Variants in FUT9 observed in about 807,000 individuals in gnomAD.
FUT9 encodes the protein 4-galactosyl-N-acetylglucosaminide 3-alpha-L-fucosyltransferase 9.
A neutral mutation model predicts 29.7 loss-of-function variants in FUT9; 15 were observed. That is an observed-to-expected ratio of 0.51 (90% CI 0.34 to 0.78). The LOEUF (loss-of-function observed/expected upper bound fraction) is 0.78, where lower values mean the gene tolerates loss of function less well. FUT9 is among the 30% of genes least tolerant of loss of function. The probability of loss-of-function intolerance (pLI) is 0.01; values close to 1 mark genes in which losing one functional copy is unlikely to be tolerated. For synonymous variants in FUT9, 169 were observed against 153.7 expected (o/e 1.10, Z -0.74); for missense variants, 319 against 425.4 (o/e 0.75, Z 2.20).
At position 96,213,621 on chromosome 6, in the gene FUT9, C is replaced by CT. The variant is rs1361871946; in HGVS notation, c.*9389dup. 6.0e-6 allele frequency: 1 copy of CT among 166,652 alleles called. No individual in the cohort carries two copies. The highest frequency in any genetic ancestry group is 1.5e-5 in the Non-Finnish European group (1 of 67,982). 10.3% of individuals were successfully genotyped at this position (166,652 alleles called of 1,614,324 possible). On this transcript the variant is annotated 3_prime_UTR_variant, in exon 3 of 3. Transcript: ENST00000302103. The stretch of plus-strand genomic sequence containing the variant: ...GCTAATAGTTGTTTATTGCTATTAA[C>CT]TTTCTGTGTATGTATTATTGCGATG...
At chr6:96,047,685 C>T (rs1770587795) in intron 1 of FUT9, among the ~76,000 whole-genome samples, 1 of 152,132 alleles carries the variant, frequency 6.6e-6, no homozygotes, top group South Asian at 2.1e-4. Context: ...CCTGACACCA[C>T]TATAAGAATA....
chr6:96,128,248 G>A (rs537763564), intron 2 of FUT9, among the ~76,000 whole-genome samples: 2 of 152,098 alleles, frequency 1.3e-5, no homozygotes, highest in South Asian at 2.1e-4. Flanking sequence ...CCCAAAATTA[G>A]ACAAAGGCTT....
At chr6:96,051,810 C>T (rs1770675998) in intron 1 of FUT9, among the ~76,000 whole-genome samples, 1 of 151,644 alleles carries the variant, frequency 6.6e-6, no homozygotes, top group African/African-American at 2.4e-5. Context: ...TAAAATATTA[C>T]ATATTAAATA....
intron 1 of FUT9, among the ~76,000 whole-genome samples, chr6:96,055,692 G>C (rs548428397): frequency 2.2e-5 from 3 of 135,818 alleles, no homozygotes; most frequent in Non-Finnish European, 4.7e-5. Flanking sequence ...TTTTGTTTTT[G>C]TTTTCTATTT....
At chr6:96,040,468 G>A (rs1485350805) in intron 1 of FUT9, among the ~76,000 whole-genome samples, 2 of 152,144 alleles carry the variant, frequency 1.3e-5, no homozygotes, top group East Asian at 3.9e-4. Flanking sequence ...AAGTAGAAAA[G>A]GGAATGAAGA....
intron 1 of FUT9, among the ~76,000 whole-genome samples, chr6:96,051,761 C>A (rs1445620713): frequency 6.6e-6 from 1 of 151,674 alleles, no homozygotes; most frequent in Non-Finnish European, 1.5e-5. Context: ...ACATGATTTG[C>A]AAACCAATAT....
rs7745248 is a variant in FUT9 at position 96,212,238 on chromosome 6, G to A, written c.*8003G>A. ...ATTAGCCACCTTCAGTTCCTTAAATGAGATAATCCTGAAGATGCCATCCTT... is the reference window on the plus strand; with the variant it reads ...ATTAGCCACCTTCAGTTCCTTAAATAAGATAATCCTGAAGATGCCATCCTT... On this transcript the variant is annotated 3_prime_UTR_variant, in exon 3 of 3. Transcript: ENST00000302103. 0.14 allele frequency: 57,203 copies of A among 412,524 alleles called. 4,737 individuals are homozygous for A. The highest frequency in any genetic ancestry group is 0.18 in the Non-Finnish European group (41,340 of 225,540). The allele number at this position is 412,524 out of a possible 1,614,324, so 25.6% of individuals were successfully genotyped here.
chr6:96,173,386 C>G (rs572814310), intron 2 of FUT9, among the ~76,000 whole-genome samples: 1 of 152,234 alleles, frequency 6.6e-6, no homozygotes, highest in Non-Finnish European at 1.5e-5. Flanking sequence ...GAGAACTTTT[C>G]CATCTTTACC....
At chr6:96,086,695 C>A (rs1325747916) in intron 1 of FUT9, among the ~76,000 whole-genome samples, 1 of 152,026 alleles carries the variant, frequency 6.6e-6, no homozygotes, top group Admixed American at 6.6e-5. Flanking sequence ...TTCTTCATAT[C>A]AAAAATCTGG....
chr6:96,158,703 C>T (rs1333234187), intron 2 of FUT9, among the ~76,000 whole-genome samples: 2 of 152,032 alleles, frequency 1.3e-5, no homozygotes, highest in Admixed American at 6.6e-5. Flanking sequence ...CTTCCGCTTC[C>T]ATAATATTAG....
At chr6:96,142,250 C>A (rs559942028) in intron 2 of FUT9, among the ~76,000 whole-genome samples, 1 of 151,888 alleles carries the variant, frequency 6.6e-6, no homozygotes, top group African/African-American at 2.4e-5. Context: ...TATTAACAAG[C>A]GATAAGTGAT....
chr6:96,186,740 TA>T (rs1015799262), intron 2 of FUT9, among the ~76,000 whole-genome samples: 2 of 152,104 alleles, frequency 1.3e-5, no homozygotes, highest in African/African-American at 2.4e-5. Context: ...ATTTCAGATC[TA>T]AGGGCTGAGA....
chr6:96,027,219 G>A (rs1357387835), intron 1 of FUT9, among the ~76,000 whole-genome samples: 3 of 151,538 alleles, frequency 2.0e-5, no homozygotes, highest in Non-Finnish European at 4.4e-5. Context: ...AGACATTGAA[G>A]AGAGCCTCAC....
At chr6:96,089,290 T>C (rs539157719) in intron 1 of FUT9, among the ~76,000 whole-genome samples, 1 of 152,152 alleles carries the variant, frequency 6.6e-6, no homozygotes, top group South Asian at 2.1e-4. Flanking sequence ...TACTTTCCCC[T>C]GAGAATTCTA....
At chr6:96,036,429 G>A (rs1467724440) in intron 1 of FUT9, among the ~76,000 whole-genome samples, 1 of 151,652 alleles carries the variant, frequency 6.6e-6, no homozygotes, top group Non-Finnish European at 1.5e-5. Flanking sequence ...TTGCATAATC[G>A]TGATGGTGCA....
chr6:96,162,996 A>G (rs554014710), intron 2 of FUT9, among the ~76,000 whole-genome samples: 30 of 152,192 alleles, frequency 2.0e-4, no homozygotes, highest in Admixed American at 1.9e-3. Context: ...CTCCAGGTGT[A>G]TTTCACAAAG....
chr6:96,139,257 C>T (rs1772415883), intron 2 of FUT9, among the ~76,000 whole-genome samples: 1 of 152,258 alleles, frequency 6.6e-6, no homozygotes, highest in East Asian at 1.9e-4. Context: ...CTTAAAGCTT[C>T]GAAAGACCTC....
At chr6:96,053,518 C>G (rs1198196576) in intron 1 of FUT9, among the ~76,000 whole-genome samples, 1 of 152,096 alleles carries the variant, frequency 6.6e-6, no homozygotes, top group Non-Finnish European at 1.5e-5. Flanking sequence ...ACCCTCCTGG[C>G]TAGCACGGTG....
At chr6:96,061,302 C>A (rs1289800767) in intron 1 of FUT9, among the ~76,000 whole-genome samples, 1 of 145,300 alleles carries the variant, frequency 6.9e-6, no homozygotes. Context: ...CAAGATACTT[C>A]TTAGGCTCTG....
Sources: gnomAD v4.1 joint callset for allele counts (sites outside exome capture counted in the v4.1 genomes callset) on GRCh38, gnomAD v4.1.1 for gene constraint, MANE v1.5 for transcripts, NCBI Gene and HGNC (gene_info 2026-07-23, HGNC 2026-07-21) for gene names.